Variants in HELQ observed in about 807,000 individuals in gnomAD.
HELQ encodes helicase POLQ-like.
Under a neutral mutation model 111.6 loss-of-function variants are expected in HELQ, and 77 were observed. That is an observed-to-expected ratio of 0.69 (90% CI 0.57 to 0.83). HELQ has a LOEUF of 0.83. HELQ is among the 40% of genes least tolerant of loss of function. The pLI is 0.00. For missense variants in HELQ, 1,200 were observed against 1,288.5 expected (o/e 0.93, Z 1.05); for synonymous variants, 438 against 454.7 (o/e 0.96, Z 0.47).
intron 2 of HELQ, among the ~76,000 whole-genome samples, chr4:83,451,448 G>A (rs1258425472): frequency 1.3e-5 from 2 of 151,984 alleles, no homozygotes; most frequent in Admixed American, 6.6e-5. Context: ...GGATCACAAG[G>A]TCAGGAGATC....
In HELQ at chr4:83,439,978, C is replaced by G; in HGVS notation, c.1693G>C (p.Asp565His). The G allele has an allele frequency of 7.4e-6, 12 of 1,611,786 alleles. No individual in the cohort carries two copies. The highest frequency in any genetic ancestry group is 1.0e-5 in the Non-Finnish European group (12 of 1,178,916). ...YSDTLKKMDP[D>H]HLVALVTEVI... ...TCTGTCACCAATGCTACCAAGTGAT[C>G]AGGATCCATCTTTTTTAGGGTATCA... The change falls in exon 8 of 18, where the codon GAT becomes CAT. Residue 565 changes from aspartate (D) to histidine (H), a missense_variant. Physicochemically the swap from Asp to His is moderately conservative, Grantham distance 81. Transcript: ENST00000295488.
chr4:83,431,143 G>A (rs555029865), intron 11 of HELQ, among the ~76,000 whole-genome samples: 4 of 152,042 alleles, frequency 2.6e-5, no homozygotes, highest in Non-Finnish European at 4.4e-5. Context: ...CAGGCCAGGC[G>A]CAGTGGCTCA....
Position 83,439,883 on chromosome 4 carries a change from C to A in HELQ, c.1788G>T (p.Met596Ile), listed in dbSNP as rs1191301199. The change falls in exon 8 of 18, where the codon ATG (methionine) becomes ATT (isoleucine). Residue 596 changes from methionine (M) to isoleucine (I), a missense_variant. By Grantham distance (10) the Met-to-Ile change is conservative. This residue lies in a region of HELQ where 585 missense variants were observed against 665.3 expected (regional missense o/e 0.88). Transcript: ENST00000295488. The stretch of plus-strand genomic sequence containing the variant: ...CATACTTGCTTAAAAATTTGCATAT[C>A]ATTTCTGCTACATTTTCACAGTTCT... ...SKKNCENVAEMICKFLSKEYL... is the reference protein window; with the variant it reads ...SKKNCENVAEIICKFLSKEYL... 7.6e-6 allele frequency: 12 copies of A among 1,589,038 alleles called. No homozygotes were observed. The Admixed American group carries it at 1.5e-4, about 20-fold the overall frequency.
chr4:83,436,506 C>T (rs1170814039), intron 9 of HELQ, among the ~76,000 whole-genome samples: 2 of 152,024 alleles, frequency 1.3e-5, no homozygotes, highest in Non-Finnish European at 2.9e-5. Context: ...TCCAAGATTT[C>T]AAGGAAATCT....
chr4:83,436,395 G>C (rs1209781094), intron 9 of HELQ, among the ~76,000 whole-genome samples: 1 of 152,104 alleles, frequency 6.6e-6, no homozygotes, highest in African/African-American at 2.4e-5. Context: ...AAGGGGAGAA[G>C]TCAATTACAC....
At chr4:83,430,561 G>A (rs1180425615) in intron 11 of HELQ, among the ~76,000 whole-genome samples, 2 of 152,122 alleles carry the variant, frequency 1.3e-5, no homozygotes, top group African/African-American at 4.8e-5. Flanking sequence ...CAATTTCAAT[G>A]AAATCAGCAT....
intron 5 of HELQ, among the ~76,000 whole-genome samples, chr4:83,443,857 C>T (rs1490061305): frequency 6.6e-6 from 1 of 151,884 alleles, no homozygotes; most frequent in Non-Finnish European, 1.5e-5. Flanking sequence ...CTAGCCTGGG[C>T]AACATAGTAA....
intron 15 of HELQ, among the ~76,000 whole-genome samples, chr4:83,420,322 C>T (rs1739599035): frequency 6.6e-6 from 1 of 152,168 alleles, no homozygotes; most frequent in Admixed American, 6.5e-5. Flanking sequence ...AGCAAATATA[C>T]TAAATTACAG....
intron 17 of HELQ, 83 bp downstream of exon 17, chr4:83,416,648 A>C: frequency 7.6e-7 from 1 of 1,322,894 alleles, no homozygotes; most frequent in Non-Finnish European, 1.1e-6. Context: ...TGCAATGTGA[A>C]ATGTTTTTGT....
chr4:83,414,941 G>A (rs1297669717), intron 17 of HELQ, among the ~76,000 whole-genome samples: 1 of 151,994 alleles, frequency 6.6e-6, no homozygotes, highest in Non-Finnish European at 1.5e-5. Flanking sequence ...CAATCTTAGT[G>A]GTTTCATCTA....
intron 12 of HELQ, among the ~76,000 whole-genome samples, chr4:83,428,657 C>T (rs963592561): frequency 1.3e-5 from 2 of 152,014 alleles, no homozygotes; most frequent in African/African-American, 2.4e-5. Context: ...GGAAAAAAAG[C>T]AAGTTGCAGG....
At position 83,443,596 on chromosome 4, in the gene HELQ, C is replaced by G. The variant is rs534032429; in HGVS notation, c.1484G>C (p.Gly495Ala). Residue 495 changes from glycine to alanine, a missense_variant, in exon 6 of 18, where the codon GGT becomes GCT. Transcript: ENST00000295488. ...LYTSKTTQII[G>A]MSATLNNVED... ...AACATTGTTTAATGTTGCACTCATA[C>G]CAATAATTTGAGTCGTTTCTAAAAC... The G allele has an allele frequency of 7.0e-6, 11 of 1,562,924 alleles. No individual in the cohort carries two copies. Among genetic ancestry groups the G allele is most frequent in the East Asian group, 6.8e-5 (3 of 44,394 alleles).
rs142402418 is a variant in HELQ at position 83,420,902 on chromosome 4, C to T, written c.2949+661G>A. Among the ~76,000 whole-genome samples the T allele has an allele frequency of 5.5e-4, 84 of 152,196 alleles. 1 individual carries two copies. The highest frequency in any genetic ancestry group is 1.9e-3 in the African/African-American group (81 of 41,554). On this transcript the variant is annotated intron_variant, in intron 15 of 17. Coordinates refer to ENST00000295488, the MANE Select transcript of HELQ (RefSeq NM_133636.5). ...GCAGTGAGCCTGGATTACACCACTA[C>T]ACTCCAGCCTGGGCGTCAGAGTGAG...
At chr4:83,420,464 C>T (rs1316070122) in intron 15 of HELQ, among the ~76,000 whole-genome samples, 2 of 151,618 alleles carry the variant, frequency 1.3e-5, no homozygotes, top group Non-Finnish European at 2.9e-5. Context: ...AGACCCCCCA[C>T]CCCCGCCCAC....
intron 14 of HELQ, among the ~76,000 whole-genome samples, chr4:83,422,312 C>T (rs1022725338): frequency 6.6e-6 from 1 of 152,148 alleles, no homozygotes; most frequent in East Asian, 1.9e-4. Context: ...AGGAATTGTA[C>T]CCCCTCTCCA....
chr4:83,446,401 G>C (rs1753455610), intron 4 of HELQ, among the ~76,000 whole-genome samples: 1 of 152,046 alleles, frequency 6.6e-6, no homozygotes, highest in South Asian at 2.1e-4. Flanking sequence ...CCACCTCCTG[G>C]GTTACAGCGA....
intron 9 of HELQ, 31 bp from the exon 10 acceptor site, chr4:83,432,298 A>C (rs1720195537): frequency 1.3e-6 from 2 of 1,486,766 alleles, no homozygotes; most frequent in Admixed American, 2.3e-5. Flanking sequence ...GATACTCTAC[A>C]GCAAACAGCA....
chr4:83,450,674 A>G (rs895239399), intron 2 of HELQ, among the ~76,000 whole-genome samples: 1 of 151,974 alleles, frequency 6.6e-6, no homozygotes, highest in African/African-American at 2.4e-5. Context: ...CAAAAAAAAA[A>G]AAAAAAACTA....
rs1310093006 is a variant in HELQ at position 83,416,837 on chromosome 4, C to T, written c.3092G>A (p.Gly1031Asp). ...EGRAKQLYSA[G>D]YKSLMHLANA... Reference sequence around the variant, plus strand: ...AGCTAAGTGCATTAGACTTTTGTAACCTGCACTGTATAACTGTTTTGCTCG... The same window carrying T: ...AGCTAAGTGCATTAGACTTTTGTAATCTGCACTGTATAACTGTTTTGCTCG... Residue 1031 changes from glycine (G) to aspartate (D), a missense_variant, in exon 17 of 18, where the codon GGT (glycine) becomes GAT (aspartate). By Grantham distance (94) the Gly-to-Asp change is moderately conservative. Around this residue, in one of 3 missense-constraint regions of HELQ, gnomAD observed 585 missense variants for 665.3 expected, o/e 0.88. Coordinates refer to ENST00000295488, the MANE Select transcript of HELQ (RefSeq NM_133636.5). 2 of 1,613,234 alleles carry T rather than the reference C, an allele frequency of 1.2e-6. No homozygotes were observed. Among genetic ancestry groups the T allele is most frequent in the Non-Finnish European group, 1.7e-6 (2 of 1,179,654 alleles).
Sources: allele counts gnomAD v4.1 joint callset (sites outside exome capture counted in the v4.1 genomes callset), GRCh38; gene constraint gnomAD v4.1.1; regional missense constraint gnomAD v4.1.1; transcripts MANE v1.5; gene names NCBI Gene and HGNC (gene_info 2026-07-23, HGNC 2026-07-21).